SLC35D4: variants seen among roughly 807,000 people sequenced by gnomAD.
The protein encoded by SLC35D4 is solute carrier family 35 member D4.
At chr18:23,276,434 T>A in the SLC35D4 span, among the ~76,000 whole-genome samples, 4 of 147,968 alleles carry the variant, frequency 2.7e-5, no homozygotes, top group African/African-American at 4.9e-5. Flanking sequence ...AGAATTTTGT[T>A]TTTTTTTTTT....
chr18:23,337,181 T>C, the SLC35D4 span, among the ~76,000 whole-genome samples: 1 of 149,714 alleles, frequency 6.7e-6, no homozygotes, highest in African/African-American at 2.5e-5. Context: ...GGTAAAAAAT[T>C]ACATTATTTA....
At chr18:23,283,608 G>A in the SLC35D4 span, among the ~76,000 whole-genome samples, 5 of 151,850 alleles carry the variant, frequency 3.3e-5, no homozygotes, top group East Asian at 3.9e-4. Flanking sequence ...TCAGGAGTTC[G>A]AGTCCAGTCC....
At chr18:23,406,661 A>C in the SLC35D4 span, among the ~76,000 whole-genome samples, 10 of 152,384 alleles carry the variant, frequency 6.6e-5, no homozygotes, top group South Asian at 1.4e-3. Flanking sequence ...TTATTTCCAC[A>C]TTCAGCTACT....
chr18:23,343,828 T>C, the SLC35D4 span, among the ~76,000 whole-genome samples: 1 of 152,180 alleles, frequency 6.6e-6, no homozygotes. Context: ...TGGTGTTCTA[T>C]TCCTATGTTG....
chr18:23,264,466 G>A, the SLC35D4 span, among the ~76,000 whole-genome samples: 9 of 145,480 alleles, frequency 6.2e-5, no homozygotes, highest in South Asian at 1.3e-3. Context: ...AGGTTCAAGC[G>A]ATTCTCCTGC....
the SLC35D4 span, among the ~76,000 whole-genome samples, chr18:23,329,945 C>G: frequency 6.6e-6 from 1 of 152,046 alleles, no homozygotes; most frequent in African/African-American, 2.4e-5. Flanking sequence ...TGAGCTATCA[C>G]AAGGATAGAA....
chr18:23,375,035 AACCCGGGAGGC>A, the SLC35D4 span, among the ~76,000 whole-genome samples: 2 of 151,848 alleles, frequency 1.3e-5, no homozygotes, highest in African/African-American at 4.8e-5. Flanking sequence ...GAATCACTTG[AACCCGGGAGGC>A]AGAGGTTTCA....
At chr18:23,258,014 G>A in the SLC35D4 span, 1 of 152,228 alleles carries the variant, frequency 6.6e-6, no homozygotes, top group East Asian at 1.9e-4. Context: ...TTCTGGATAA[G>A]AATTGCTCTC....
chr18:23,240,225 C>T, the SLC35D4 span, among the ~76,000 whole-genome samples: 1 of 152,160 alleles, frequency 6.6e-6, no homozygotes, highest in African/African-American at 2.4e-5. Context: ...CTGAAGCAAG[C>T]ACTGAGGGCT....
the SLC35D4 span, among the ~76,000 whole-genome samples, chr18:23,287,007 T>C: frequency 1.3e-5 from 2 of 150,428 alleles, no homozygotes; most frequent in Non-Finnish European, 3.0e-5. Context: ...TACCATCTCC[T>C]TAAAACCTAA....
the SLC35D4 span, chr18:23,399,545 C>G: frequency 3.2e-5 from 52 of 1,611,068 alleles, no homozygotes; most frequent in Non-Finnish European, 4.2e-5. Context: ...GAGTTGTTTC[C>G]CCTGAACCTC....
chr18:23,389,524 A>C, the SLC35D4 span, among the ~76,000 whole-genome samples: 1 of 152,116 alleles, frequency 6.6e-6, no homozygotes, highest in Admixed American at 6.6e-5. Context: ...GTAGGGCTCT[A>C]TTAAAAACAA....
the SLC35D4 span, among the ~76,000 whole-genome samples, chr18:23,405,495 C>T: frequency 6.6e-6 from 1 of 152,186 alleles, no homozygotes; most frequent in Non-Finnish European, 1.5e-5. Flanking sequence ...TGGCCAATTT[C>T]TGTTGTTTAT....
the SLC35D4 span, among the ~76,000 whole-genome samples, chr18:23,308,479 A>G: frequency 6.6e-6 from 1 of 151,986 alleles, no homozygotes; most frequent in Admixed American, 6.6e-5. Flanking sequence ...TCATTCTTTC[A>G]TTGCTCGGAA....
the SLC35D4 span, chr18:23,368,694 A>G: frequency 7.6e-7 from 1 of 1,315,508 alleles, no homozygotes; most frequent in African/African-American, 1.5e-5. Flanking sequence ...TTGTTCTTTA[A>G]AAATGTAAAT....
the SLC35D4 span, among the ~76,000 whole-genome samples, chr18:23,430,329 C>T: frequency 6.6e-6 from 1 of 152,054 alleles, no homozygotes; most frequent in Non-Finnish European, 1.5e-5. Context: ...TTGCCTCAGC[C>T]TCCCAAAGCG....
At chr18:23,299,352 C>T in the SLC35D4 span, among the ~76,000 whole-genome samples, 1 of 152,204 alleles carries the variant, frequency 6.6e-6, no homozygotes, top group South Asian at 2.1e-4. Context: ...GAGTAGCAAT[C>T]CCCTCCTCAG....
At chr18:23,430,494 G>A in the SLC35D4 span, 1 of 635,954 alleles carries the variant, frequency 1.6e-6, no homozygotes, top group Non-Finnish European at 2.6e-6. Flanking sequence ...ATAAATGTCT[G>A]TTAATAAGGC....
the SLC35D4 span, among the ~76,000 whole-genome samples, chr18:23,373,289 TG>T: frequency 6.6e-5 from 10 of 152,298 alleles, no homozygotes; most frequent in East Asian, 1.9e-3. Flanking sequence ...CACTCCAGCC[TG>T]GGCAACAGGG....
Sources: allele counts gnomAD v4.1 joint callset (sites outside exome capture counted in the v4.1 genomes callset), GRCh38; gene constraint gnomAD v4.1.1; transcripts MANE v1.5; gene names NCBI Gene and HGNC (gene_info 2026-07-23, HGNC 2026-07-21).